The following LGR6 variants were observed in gnomAD, a reference collection of about 807,000 sequenced individuals.
LGR6 encodes the protein leucine rich repeat containing G protein-coupled receptor 6, also known as leucine-rich repeat-containing G protein-coupled receptor 6.
LGR6 carries 45 observed loss-of-function variants against 69.4 expected under a neutral mutation model. The observed-to-expected ratio is 0.65, with a 90% confidence interval of 0.51 to 0.83. The LOEUF (loss-of-function observed/expected upper bound fraction) is 0.83, where lower values mean the gene tolerates loss of function less well. Among genes scored for constraint, LGR6 ranks in the 40% least tolerant of loss-of-function variants. The probability of loss-of-function intolerance (pLI) is 0.00; values close to 1 mark genes in which losing one functional copy is unlikely to be tolerated. For synonymous variants in LGR6, 538 were observed against 555.0 expected (o/e 0.97, Z 0.43); for missense variants, 1,108 against 1,246.7 (o/e 0.89, Z 1.68).
intron 3 of LGR6, among the ~76,000 whole-genome samples, chr1:202,231,890 C>T (rs748921694): frequency 2.6e-5 from 4 of 152,084 alleles, no homozygotes; most frequent in East Asian, 1.9e-4. Context: ...GTCAGAAGTT[C>T]GAGACCAGTC....
In LGR6 at chr1:202,228,898, A is replaced by G. The variant is rs552328992; in HGVS notation, c.356+891A>G. On this transcript the variant is annotated intron_variant, in intron 3 of 17. Coordinates refer to ENST00000367278, the MANE Select transcript of LGR6 (RefSeq NM_001017403.2). ...TTCCCTAAAGTGGTGAGTCATTCCC[A>G]ACTCTGCTACTCCCTTACCCCTGAC... Among the ~76,000 whole-genome samples the G allele has an allele frequency of 6.6e-5, 10 of 152,232 alleles. No individual in the cohort carries two copies. In the South Asian group the frequency reaches 2.1e-3, roughly 32 times the overall value.
At position 202,318,216 on chromosome 1, in the gene LGR6, C is replaced by T. The variant is rs559943711; in HGVS notation, c.1913C>T (p.Thr638Met). ...TCTGAGTACGGAGCCCGCTGGGAGA[C>T]GGGGCTAGGCTGCCGGGCCACTGGC... ...QFSEYGARWE[T>M]GLGCRATGFL... Residue 638 changes from threonine (T) to methionine (M), a missense_variant, in exon 18 of 18, where the codon ACG becomes ATG. By Grantham distance (81) the Thr-to-Met change is moderately conservative. Transcript: ENST00000367278. The T allele has an allele frequency of 2.2e-5, 36 of 1,612,270 alleles. No homozygotes were observed. The highest frequency in any genetic ancestry group is 5.0e-5 in the Admixed American group (3 of 59,948).
intron 4 of LGR6, among the ~76,000 whole-genome samples, chr1:202,270,194 G>C (rs1664974148): frequency 6.6e-6 from 1 of 151,962 alleles, no homozygotes; most frequent in African/African-American, 2.4e-5. Flanking sequence ...AACTAGACTG[G>C]TAGAGTGAAA....
intron 3 of LGR6, among the ~76,000 whole-genome samples, chr1:202,229,958 G>A (rs776450632): frequency 3.0e-4 from 45 of 152,098 alleles, no homozygotes; most frequent in Non-Finnish European, 8.8e-5. Flanking sequence ...AATTTCCCTC[G>A]TATTTCCTTC....
intron 1 of LGR6, among the ~76,000 whole-genome samples, chr1:202,208,322 G>A (rs895732958): frequency 6.6e-5 from 10 of 152,082 alleles, no homozygotes; most frequent in African/African-American, 2.4e-4. Flanking sequence ...TGGGGTGAGA[G>A]TTCCTGACCC....
intron 6 of LGR6, among the ~76,000 whole-genome samples, chr1:202,281,810 A>AC (rs1666028481): frequency 6.7e-6 from 1 of 148,614 alleles, no homozygotes; most frequent in Non-Finnish European, 1.5e-5. Context: ...TCCCACATAT[A>AC]CCCCAGGACA....
At position 202,282,615 on chromosome 1, in the gene LGR6, C is replaced by T. The variant is rs990550824; in HGVS notation, c.716+1763C>T. Among the ~76,000 whole-genome samples, 3 of 152,128 alleles carry T rather than the reference C, an allele frequency of 2.0e-5. No homozygotes were observed. The East Asian group carries it at 5.8e-4, about 29-fold the overall frequency. ...GAGCAGGGCAGGAGGGAGTCCAATGCCATGAACCCTGGAGTGTGGGCGCTG... is the reference window on the plus strand; with the variant it reads ...GAGCAGGGCAGGAGGGAGTCCAATGTCATGAACCCTGGAGTGTGGGCGCTG... On this transcript the variant is annotated intron_variant, in intron 6 of 17. Transcript: ENST00000367278.
In LGR6 at chr1:202,241,102, G is replaced by A. The variant is rs115472801; in HGVS notation, c.428+5109G>A. ...GACTCCAAAGGCTACAAGGGAAGCCGCCTTTTGATGGCTTTCACTGGGTGA... is the reference window on the plus strand; with the variant it reads ...GACTCCAAAGGCTACAAGGGAAGCCACCTTTTGATGGCTTTCACTGGGTGA... On this transcript the variant is annotated intron_variant, in intron 4 of 17. Transcript: ENST00000367278. Among the ~76,000 whole-genome samples the A allele has an allele frequency of 1.5e-3, 236 of 152,310 alleles. No individual in the cohort carries two copies. In the East Asian group the frequency reaches 0.017, roughly 11 times the overall value.
chr1:202,199,883 T>G (rs1227084955), intron 1 of LGR6, among the ~76,000 whole-genome samples: 2 of 151,738 alleles, frequency 1.3e-5, no homozygotes, highest in African/African-American at 2.4e-5. Context: ...AAGCAAAGGG[T>G]TTTTTATGCT....
chr1:202,197,044 C>G (rs1211719150), intron 1 of LGR6: 1 of 533,292 alleles, frequency 1.9e-6, no homozygotes, highest in Non-Finnish European at 3.8e-6. Context: ...CCAGAGAAGA[C>G]TCGAAGATCC....
At chr1:202,279,425 C>T (rs886496598) in intron 5 of LGR6, among the ~76,000 whole-genome samples, 5 of 152,152 alleles carry the variant, frequency 3.3e-5, no homozygotes, top group Non-Finnish European at 5.9e-5. Context: ...ATTTGAACAA[C>T]ATCTTGGAGG....
intron 1 of LGR6, among the ~76,000 whole-genome samples, chr1:202,205,849 A>AC (rs1659199199): frequency 6.8e-6 from 1 of 146,420 alleles, no homozygotes; most frequent in Non-Finnish European, 1.5e-5. Flanking sequence ...ACCTCCTTCA[A>AC]ACACACACCT....
chr1:202,269,972 C>T (rs1445307529), intron 4 of LGR6, among the ~76,000 whole-genome samples: 3 of 152,146 alleles, frequency 2.0e-5, no homozygotes, highest in African/African-American at 7.2e-5. Context: ...CACTCAGACC[C>T]CTGAATCTGT....
intron 4 of LGR6, among the ~76,000 whole-genome samples, chr1:202,241,842 G>GA (rs1240003860): frequency 6.6e-6 from 1 of 152,050 alleles, no homozygotes; most frequent in Non-Finnish European, 1.5e-5. Flanking sequence ...CTCTAGGGGG[G>GA]AAATGCATAA....
intron 1 of LGR6, among the ~76,000 whole-genome samples, chr1:202,202,674 C>A (rs1658878247): frequency 6.6e-6 from 1 of 152,250 alleles, no homozygotes; most frequent in East Asian, 1.9e-4. Context: ...TATTATCTAT[C>A]TAGTCTCCCC....
chr1:202,293,464 C>T (rs952199125), intron 6 of LGR6, among the ~76,000 whole-genome samples: 1 of 152,116 alleles, frequency 6.6e-6, no homozygotes, highest in Non-Finnish European at 1.5e-5. Flanking sequence ...GTCAAAGATG[C>T]TCTTTCATTA....
chr1:202,249,143 C>T (rs1176283393), intron 4 of LGR6, among the ~76,000 whole-genome samples: 1 of 152,172 alleles, frequency 6.6e-6, no homozygotes, highest in Admixed American at 6.5e-5. Context: ...CTTCACAGTC[C>T]ACACCAGTGG....
At chr1:202,233,418 T>A (rs902454883) in intron 3 of LGR6, among the ~76,000 whole-genome samples, 4 of 152,252 alleles carry the variant, frequency 2.6e-5, no homozygotes, top group African/African-American at 9.6e-5. Flanking sequence ...TCAGCCATCG[T>A]TTCTCTTGTA....
intron 1 of LGR6, among the ~76,000 whole-genome samples, chr1:202,210,439 A>AAAC (rs1659418777): frequency 6.6e-6 from 1 of 151,504 alleles, no homozygotes; most frequent in African/African-American, 2.4e-5. Flanking sequence ...AAAAAAAAAA[A>AAAC]AAAACAAAAA....
Sources: gnomAD v4.1 joint callset for allele counts (sites outside exome capture counted in the v4.1 genomes callset) on GRCh38, gnomAD v4.1.1 for gene constraint, MANE v1.5 for transcripts, NCBI Gene and HGNC (gene_info 2026-07-23, HGNC 2026-07-21) for gene names.